KIF18A: variants seen among roughly 807,000 people sequenced by gnomAD.
KIF18A encodes kinesin-like protein KIF18A.
Under a neutral mutation model 103.3 loss-of-function variants are expected in KIF18A, and 67 were observed. The ratio of observed to expected loss-of-function variants is 0.65; its 90% CI spans 0.53 to 0.79. KIF18A has a LOEUF of 0.79. Ranked by LOEUF, KIF18A falls within the 30% of genes least tolerant of loss-of-function variation. The probability of loss-of-function intolerance (pLI) is 0.00; values close to 1 mark genes in which losing one functional copy is unlikely to be tolerated. For missense variants in KIF18A, 1,032 were observed against 1,062.5 expected (o/e 0.97, Z 0.40); for synonymous variants, 367 against 355.5 (o/e 1.03, Z -0.36).
chr11:28,062,400 A>G lies in KIF18A; in HGVS notation c.1707T>C (p.Thr569=). ...AGGTAAATGTATGTACTCACGCTTC[A>G]GTCTGCCTGTGTTGCTGTTCCTGAA... ...ACLQEQQHRQ[T]EAVLNALLPT... The change falls in exon 12 of 17, where the codon ACT becomes ACC. Residue 569 remains threonine, a synonymous_variant. Transcript: ENST00000263181. 1 of 1,607,058 alleles carries G rather than the reference A, an allele frequency of 6.2e-7. No individual in the cohort carries two copies. The highest frequency in any genetic ancestry group is 8.5e-7 in the Non-Finnish European group (1 of 1,176,496).
chr11:28,036,350 G>A lies in KIF18A; in HGVS notation c.2263C>T (p.His755Tyr), dbSNP rs141828077. The change falls in exon 14 of 17, where the codon CAT becomes TAT. Residue 755 changes from histidine (H) to tyrosine (Y), a missense_variant. Coordinates refer to ENST00000263181, the MANE Select transcript of KIF18A (RefSeq NM_031217.4). ...LKMLCEVAIP[H>Y]NRRKECGQED... is the part of the protein sequence containing the mutation. The stretch of plus-strand genomic sequence containing the variant: ...TGTCCACATTCTTTTCTTCTATTAT[G>A]AGGGATAGCTACTTCACACAACATT... 1,825 of 1,611,028 alleles carry A rather than the reference G, an allele frequency of 1.1e-3. 39 individuals carry two copies. In the East Asian group the frequency reaches 0.033, roughly 29 times the overall value.
At chr11:28,047,642 T>C (rs1032898145) in intron 13 of KIF18A, among the ~76,000 whole-genome samples, 3 of 152,172 alleles carry the variant, frequency 2.0e-5, no homozygotes, top group East Asian at 3.9e-4. Flanking sequence ...GTTGGAGTCA[T>C]GTTTCTTATT....
At chr11:28,103,000 A>C (rs1382657753) in intron 1 of KIF18A, among the ~76,000 whole-genome samples, 1 of 152,166 alleles carries the variant, frequency 6.6e-6, no homozygotes, top group Admixed American at 6.5e-5. Context: ...GAATGTGTGG[A>C]TTCACAAATT....
At chr11:28,053,771 T>C (rs906605881) in intron 13 of KIF18A, among the ~76,000 whole-genome samples, 1 of 152,032 alleles carries the variant, frequency 6.6e-6, no homozygotes, top group African/African-American at 2.4e-5. Context: ...GGAAAGCAGA[T>C]GGGTTTTCAA....
Position 28,036,668 on chromosome 11 carries a change from T to C in KIF18A, c.1949-4A>G, listed in dbSNP as rs755989917. On this transcript the variant is annotated splice_region_variant and splice_polypyrimidine_tract_variant and intron_variant, in intron 13 of 16. Transcript: ENST00000263181. ...TTAGTTCCACCTGAAGATGAGCCTATTCAAAAAAATAAAAAAAGACACTCG... is the reference window on the plus strand; with the variant it reads ...TTAGTTCCACCTGAAGATGAGCCTACTCAAAAAAATAAAAAAAGACACTCG... The C allele has an allele frequency of 6.5e-7, 1 of 1,527,436 alleles. No homozygotes were observed. The highest frequency in any genetic ancestry group is 1.3e-5 in the South Asian group (1 of 78,142). The allele number at this position is 1,527,436 out of a possible 1,614,324, so 94.6% of individuals were successfully genotyped here.
At chr11:28,057,051 C>T (rs1420945607) in intron 13 of KIF18A, 1 of 184,704 alleles carries the variant, frequency 5.4e-6, no homozygotes, top group Admixed American at 6.3e-5. Context: ...AAAAGCAGCA[C>T]CAAATGAACA....
chr11:28,034,678 C>T (rs1034456570), intron 15 of KIF18A, among the ~76,000 whole-genome samples: 1 of 151,754 alleles, frequency 6.6e-6, no homozygotes, highest in African/African-American at 2.4e-5. Context: ...TTTTGTTTCC[C>T]TAGCTCAGAG....
intron 11 of KIF18A, 85 bp from the exon 12 acceptor site, chr11:28,062,601 A>C: frequency 2.0e-6 from 2 of 1,022,614 alleles, no homozygotes; most frequent in Non-Finnish European, 2.7e-6. Flanking sequence ...ATTGTTGCCA[A>C]TAGTTTTAAT....
intron 13 of KIF18A, among the ~76,000 whole-genome samples, chr11:28,057,393 T>C (rs574239244): frequency 2.9e-4 from 44 of 152,230 alleles, no homozygotes. Context: ...CGGGCACCTG[T>C]AGTCCCAGCT....
Position 28,059,044 on chromosome 11 carries a change from C to A in KIF18A, c.1830G>T (p.Arg610Ser). 1 of 1,614,006 alleles carries A rather than the reference C, an allele frequency of 6.2e-7. No homozygotes were observed. Among genetic ancestry groups the A allele is most frequent in the African/African-American group, 1.3e-5 (1 of 75,034 alleles). The stretch of plus-strand genomic sequence containing the variant: ...GGTCAGCCCAAACTACCACTTTTTT[C>A]CTCTCTACCAAATGTTCGATCTCTT... The part of the protein sequence containing the change: ...DFKEIEHLVE[R>S]KKVVVWADQT... Residue 610 changes from arginine to serine, a missense_variant, in exon 13 of 17, where the codon AGG (arginine) becomes AGT (serine). Coordinates refer to ENST00000263181, the MANE Select transcript of KIF18A (RefSeq NM_031217.4).
chr11:28,033,425 A>C lies in KIF18A; in HGVS notation c.2504+1962T>G, dbSNP rs202176830. Among the ~76,000 whole-genome samples the C allele has an allele frequency of 1.3e-4, 20 of 151,886 alleles. No individual in the cohort carries two copies. The East Asian group carries it at 3.7e-3, about 28-fold the overall frequency. ...TCTGCACTACCATGTTTATTGCAACACTACTCACAATAGCCAAGATTTGGA... is the reference window on the plus strand; with the variant it reads ...TCTGCACTACCATGTTTATTGCAACCCTACTCACAATAGCCAAGATTTGGA... On this transcript the variant is annotated intron_variant, in intron 15 of 16. Coordinates refer to ENST00000263181, the MANE Select transcript of KIF18A (RefSeq NM_031217.4).
intron 5 of KIF18A, among the ~76,000 whole-genome samples, chr11:28,089,383 A>G (rs1851271960): frequency 6.6e-6 from 1 of 152,196 alleles, no homozygotes; most frequent in African/African-American, 2.4e-5. Flanking sequence ...TTTTGGGGTA[A>G]TAAGTAGGAG....
chr11:28,104,986 A>T (rs751659190), intron 1 of KIF18A, among the ~76,000 whole-genome samples: 21 of 152,294 alleles, frequency 1.4e-4, no homozygotes, highest in Admixed American at 3.3e-4. Flanking sequence ...TGTAATATTT[A>T]AATTTTAAAC....
At chr11:28,081,973 A>G (rs1851171576) in intron 9 of KIF18A, among the ~76,000 whole-genome samples, 1 of 152,112 alleles carries the variant, frequency 6.6e-6, no homozygotes, top group African/African-American at 2.4e-5. Flanking sequence ...TTCAGTGAAG[A>G]AACTAACTGC....
intron 13 of KIF18A, among the ~76,000 whole-genome samples, chr11:28,055,063 G>A (rs569047598): frequency 1.3e-4 from 19 of 152,000 alleles, no homozygotes; most frequent in Non-Finnish European, 2.2e-4. Flanking sequence ...AATCATGCCC[G>A]AAAGGTATGA....
rs548485193 is a variant in KIF18A, at chr11:28,020,997, C to A, written c.*203G>T. 17 of 389,072 alleles carry A rather than the reference C, an allele frequency of 4.4e-5. No homozygotes were observed. The South Asian group carries it at 1.4e-3, about 32-fold the overall frequency. The allele number at this position is 389,072 out of a possible 1,614,324, so 24.1% of individuals were successfully genotyped here. On this transcript the variant is annotated 3_prime_UTR_variant, in exon 17 of 17. Transcript: ENST00000263181. Reference sequence around the variant, plus strand: ...AATATTTAAAAAACTTAAAAGACAACCTTTTCTTTTGAAATTTTATTTTTT... The same window carrying A: ...AATATTTAAAAAACTTAAAAGACAAACTTTTCTTTTGAAATTTTATTTTTT...
chr11:28,024,019 T>C (rs891967980), intron 15 of KIF18A, among the ~76,000 whole-genome samples, 169 bp from the exon 16 acceptor site: 1 of 152,038 alleles, frequency 6.6e-6, no homozygotes, highest in East Asian at 1.9e-4. Flanking sequence ...CAGAGAAATT[T>C]AGCTGTGTGT....
At chr11:28,088,072 C>T (rs901852293) in intron 6 of KIF18A, among the ~76,000 whole-genome samples, 43 of 151,918 alleles carry the variant, frequency 2.8e-4, no homozygotes, top group African/African-American at 9.9e-4. Context: ...CATTTTATAA[C>T]TTAAACCCCC....
intron 1 of KIF18A, among the ~76,000 whole-genome samples, chr11:28,101,156 G>A (rs902883499): frequency 6.6e-6 from 1 of 151,812 alleles, no homozygotes; most frequent in Non-Finnish European, 1.5e-5. Flanking sequence ...CCTGTTATAG[G>A]GCATTTAGAA....
Sources: gnomAD v4.1 joint callset for allele counts (sites outside exome capture counted in the v4.1 genomes callset) on GRCh38, gnomAD v4.1.1 for gene constraint, MANE v1.5 for transcripts, NCBI Gene and HGNC (gene_info 2026-07-23, HGNC 2026-07-21) for gene names.